Variants in KLHL14 observed in about 807,000 individuals in gnomAD.
The protein encoded by KLHL14 is kelch like family member 14.
A neutral mutation model predicts 64.3 loss-of-function variants in KLHL14; 22 were observed. The observed-to-expected ratio is 0.34, with a 90% confidence interval of 0.24 to 0.49. The LOEUF (loss-of-function observed/expected upper bound fraction) is 0.49, where lower values mean the gene tolerates loss of function less well. Ranked by LOEUF, KLHL14 falls within the 20% of genes least tolerant of loss-of-function variation. KLHL14 has a pLI of 0.99. For missense variants in KLHL14, 661 were observed against 789.0 expected (o/e 0.84, Z 1.94); for synonymous variants, 322 against 333.4 (o/e 0.97, Z 0.37).
chr18:32,705,126 A>G (rs1020494985), intron 3 of KLHL14, among the ~76,000 whole-genome samples: 1 of 152,228 alleles, frequency 6.6e-6, no homozygotes, highest in African/African-American at 2.4e-5. Context: ...CCTGTGATAT[A>G]ATTTTTAAAT....
intron 3 of KLHL14, among the ~76,000 whole-genome samples, chr18:32,707,322 C>T (rs1003172767): frequency 6.6e-6 from 1 of 152,234 alleles, no homozygotes; most frequent in Non-Finnish European, 1.5e-5. Context: ...AACCAGAATA[C>T]ACAGCATGGC....
intron 3 of KLHL14, among the ~76,000 whole-genome samples, chr18:32,711,191 G>A (rs2050017400): frequency 6.6e-6 from 1 of 152,062 alleles, no homozygotes; most frequent in African/African-American, 2.4e-5. Context: ...TCAAGTCACA[G>A]CCCATAAAAA....
chr18:32,746,377 G>A (rs993260420), intron 2 of KLHL14, among the ~76,000 whole-genome samples: 19 of 152,318 alleles, frequency 1.2e-4, no homozygotes, highest in Middle Eastern at 6.8e-3. Flanking sequence ...ACATTTGGGC[G>A]TGTGTGCGCG....
At chr18:32,696,367 A>C (rs1300875591) in intron 3 of KLHL14, among the ~76,000 whole-genome samples, 1 of 152,162 alleles carries the variant, frequency 6.6e-6, no homozygotes, top group African/African-American at 2.4e-5. Context: ...AAAGTACCAG[A>C]ACAGGATGCT....
chr18:32,699,268 A>G (rs758908002), intron 3 of KLHL14, among the ~76,000 whole-genome samples: 9 of 152,206 alleles, frequency 5.9e-5, no homozygotes, highest in African/African-American at 1.9e-4. Flanking sequence ...TATGTGCCAC[A>G]TATATGTACA....
intron 5 of KLHL14, among the ~76,000 whole-genome samples, chr18:32,684,199 C>A (rs2144470958): frequency 6.6e-6 from 1 of 152,290 alleles, no homozygotes; most frequent in Non-Finnish European, 1.5e-5. Flanking sequence ...GAGAGCAAAA[C>A]AATTCATTGG....
intron 3 of KLHL14, among the ~76,000 whole-genome samples, chr18:32,712,911 C>A (rs1204903611): frequency 6.6e-6 from 1 of 152,130 alleles, no homozygotes; most frequent in Non-Finnish European, 1.5e-5. Flanking sequence ...TCCAGGAGAT[C>A]ATTTTCTCTG....
At chr18:32,700,279 T>G (rs1213810880) in intron 3 of KLHL14, among the ~76,000 whole-genome samples, 3 of 152,178 alleles carry the variant, frequency 2.0e-5, no homozygotes, top group Non-Finnish European at 4.4e-5. Context: ...GGCCTTGATA[T>G]TTTTGGTCTC....
At chr18:32,714,598 A>G (rs1403525509) in intron 3 of KLHL14, among the ~76,000 whole-genome samples, 2 of 152,188 alleles carry the variant, frequency 1.3e-5, no homozygotes, top group Non-Finnish European at 2.9e-5. Context: ...CATGGCAACT[A>G]CTTCAGCGTT....
chr18:32,706,977 A>T (rs59546539), intron 3 of KLHL14, among the ~76,000 whole-genome samples: 7,192 of 152,184 alleles, frequency 0.047, 536 homozygotes, highest in African/African-American at 0.16. Flanking sequence ...TGGTGGGGCA[A>T]TGGTACCTGG....
At chr18:32,674,979 C>A in intron 8 of KLHL14, among the ~76,000 whole-genome samples, 182 bp from the exon 9 acceptor site, 1 of 151,976 alleles carries the variant, frequency 6.6e-6, no homozygotes, top group South Asian at 2.1e-4. Context: ...CTAAGATTGA[C>A]AAAATTTCAA....
chr18:32,713,677 TA>T (rs2050031282), intron 3 of KLHL14, among the ~76,000 whole-genome samples: 1 of 152,234 alleles, frequency 6.6e-6, no homozygotes, highest in South Asian at 2.1e-4. Context: ...GCTTTTGTAA[TA>T]TGCTGTTTTC....
intron 3 of KLHL14, among the ~76,000 whole-genome samples, chr18:32,703,841 T>C (rs2049977519): frequency 6.6e-6 from 1 of 152,228 alleles, no homozygotes; most frequent in Admixed American, 6.5e-5. Context: ...AGTTTTATTT[T>C]TACTTTTGGA....
intron 2 of KLHL14, among the ~76,000 whole-genome samples, chr18:32,756,186 A>C (rs1173018526): frequency 2.0e-5 from 3 of 152,204 alleles, no homozygotes; most frequent in Non-Finnish European, 4.4e-5. Context: ...ATGTCCTTAT[A>C]AGAAGAGGAA....
chr18:32,730,034 C>T (rs2050129504), intron 3 of KLHL14, among the ~76,000 whole-genome samples: 1 of 152,202 alleles, frequency 6.6e-6, no homozygotes, highest in Non-Finnish European at 1.5e-5. Context: ...CTATTGTTTT[C>T]ATCTTAAAGT....
At position 32,674,355 on chromosome 18, in the gene KLHL14, T is replaced by G. The variant is rs2049800212; in HGVS notation, c.*302A>C. On this transcript the variant is annotated 3_prime_UTR_variant, in exon 9 of 9. Coordinates refer to ENST00000359358, the MANE Select transcript of KLHL14 (RefSeq NM_020805.3). ...CTCTCTGGGGCCAGTCTTCTGTATT[T>G]TATCTTTCTCCTTTTGCAAGTTAAG... The G allele has an allele frequency of 1.0e-5, 3 of 294,150 alleles. No individual in the cohort carries two copies. The highest frequency in any genetic ancestry group is 6.3e-5 in the African/African-American group (3 of 47,386). 18.2% of individuals were successfully genotyped at this position (294,150 alleles called of 1,614,324 possible).
rs1181398242 is a variant in KLHL14 at position 32,687,246 on chromosome 18, A to G, written c.1160-13T>C. ...GTACTGTGTTTTCCTGTAAAAATGC[A>G]TTCGAGACATTTAAAACTTAGATTC... is the stretch of plus-strand genomic sequence containing the variant. On this transcript the variant is annotated splice_polypyrimidine_tract_variant and intron_variant, in intron 4 of 8. Transcript: ENST00000359358. 1 of 1,596,586 alleles carries G rather than the reference A, an allele frequency of 6.3e-7. No individual in the cohort carries two copies. Among genetic ancestry groups the G allele is most frequent in the Admixed American group, 1.7e-5 (1 of 60,000 alleles).
intron 3 of KLHL14, among the ~76,000 whole-genome samples, chr18:32,706,079 G>A (rs766389943): frequency 2.0e-5 from 3 of 152,310 alleles, no homozygotes; most frequent in South Asian, 2.1e-4. Context: ...TATTGGTGCC[G>A]TTGCACTTAT....
At position 32,770,635 on chromosome 18, in the gene KLHL14, C is replaced by G. The variant is rs746816770; in HGVS notation, c.-43-1G>C. On this transcript the variant is annotated splice_acceptor_variant, in intron 1 of 8. Coordinates refer to ENST00000359358, the MANE Select transcript of KLHL14 (RefSeq NM_020805.3). LOFTEE classifies it low-confidence loss of function (5UTR_SPLICE). The surrounding 1 kb of genome is among the most constrained non-coding windows in gnomAD (Gnocchi z 6.7). ...ACCTGGCTTTAAACCCTCCTCCAAC[C>G]TGGCAGACAGGGGTGGGGGATGGGA... 2.9e-5 allele frequency: 31 copies of G among 1,066,130 alleles called. 1 individual carries two copies. The East Asian group carries it at 1.7e-3, about 58-fold the overall frequency. 66.0% of individuals were successfully genotyped at this position (1,066,130 alleles called of 1,614,324 possible).
Sources: gnomAD v4.1 joint callset for allele counts (sites outside exome capture counted in the v4.1 genomes callset) on GRCh38, gnomAD v4.1.1 for gene constraint, Gnocchi (gnomAD v3.1) non-coding constraint, MANE v1.5 for transcripts, NCBI Gene and HGNC (gene_info 2026-07-23, HGNC 2026-07-21) for gene names.